HID1: variants seen among roughly 807,000 people sequenced by gnomAD.
The protein encoded by HID1 is HID1 domain containing.
HID1 carries 42 observed loss-of-function variants against 89.7 expected under a neutral mutation model. The observed-to-expected ratio is 0.47, with a 90% CI of 0.37 to 0.61. HID1 has a LOEUF of 0.61. Among genes scored for constraint, HID1 ranks in the 20% least tolerant of loss-of-function variants. HID1 has a pLI of 0.00. For missense variants in HID1, 854 were observed against 1,039.3 expected, an observed-to-expected ratio of 0.82 and a Z score of 2.45; for synonymous variants, 442 against 433.8, an observed-to-expected ratio of 1.02 and a Z score of -0.24.
chr17:74,972,552 C>A lies in HID1; in HGVS notation c.66+39G>T. On this transcript the variant is annotated intron_variant, in intron 1 of 18. Coordinates refer to ENST00000425042, the MANE Select transcript of HID1 (RefSeq NM_030630.3). This position sits in a 1 kb window ranked among gnomAD's most constrained non-coding sequence, Gnocchi z 6.4. ...CCCCGGCCCTGCCCAGCCCCCAGCC[C>A]GGCAGGTGGATGGGGACGCCGGGGC... 1 of 1,524,194 alleles carries A rather than the reference C, an allele frequency of 6.6e-7. No individual in the cohort carries two copies. The highest frequency in any genetic ancestry group is 8.9e-7 in the Non-Finnish European group (1 of 1,127,058). The allele number at this position is 1,524,194 out of a possible 1,614,324, so 94.4% of individuals were successfully genotyped here.
In HID1 at chr17:74,958,215, A is replaced by G; in HGVS notation, c.1397T>C (p.Phe466Ser). The G allele has an allele frequency of 6.2e-7, 1 of 1,610,706 alleles. No individual in the cohort carries two copies. Among genetic ancestry groups the G allele is most frequent in the Non-Finnish European group, 8.5e-7 (1 of 1,178,716 alleles). ...GTHADLLIVV[F>S]HKIITSGHQR... ...GTGCCCGCTGGTGATGATCTTGTGG[A>G]ACACCTGTGCCAGGAGGGACAGAGG... Residue 466 changes from phenylalanine (F) to serine (S), a missense_variant, in exon 12 of 19, where the codon TTC becomes TCC. Phe to Ser is a radical substitution (Grantham distance 155). Transcript: ENST00000425042. The surrounding 1 kb of genome is among the most constrained non-coding windows in gnomAD (Gnocchi z 5.2).
Position 74,953,097 on chromosome 17 carries a change from G to C in HID1, c.1972-11C>G, listed in dbSNP as rs1019021718. On this transcript the variant is annotated splice_polypyrimidine_tract_variant and intron_variant, in intron 15 of 18. Coordinates refer to ENST00000425042, the MANE Select transcript of HID1 (RefSeq NM_030630.3). ...TGCCTGGCTGGGCTCCTGGCCCCCA[G>C]AAAGGAACAGGGGTGAGGGATGGTG... is the stretch of plus-strand genomic sequence containing the variant. The C allele has an allele frequency of 6.9e-6, 11 of 1,597,690 alleles. No individual in the cohort carries two copies. Among genetic ancestry groups the C allele is most frequent in the South Asian group, 3.4e-5 (3 of 88,566 alleles).
chr17:74,967,471 G>C lies in HID1; in HGVS notation c.67-2839C>G, dbSNP rs572491007. Among the ~76,000 whole-genome samples the C allele has an allele frequency of 1.8e-4, 28 of 151,596 alleles. 1 individual carries two copies. The highest frequency in any genetic ancestry group is 6.5e-4 in the African/African-American group (27 of 41,302). On this transcript the variant is annotated intron_variant, in intron 1 of 18. Coordinates refer to ENST00000425042, the MANE Select transcript of HID1 (RefSeq NM_030630.3). Reference sequence around the variant, plus strand: ...GGAGAATCACTTGAACCCAGGAGGCGGAGGTTGCAGTGAGCCAAGATCGCA... The same window carrying C: ...GGAGAATCACTTGAACCCAGGAGGCCGAGGTTGCAGTGAGCCAAGATCGCA...
intron 13 of HID1, among the ~76,000 whole-genome samples, chr17:74,955,366 T>TG (rs907410050): frequency 4.6e-5 from 7 of 151,352 alleles, no homozygotes; most frequent in Middle Eastern, 3.2e-3. Flanking sequence ...CTAGGTATGG[T>TG]GGGGGGCGCC....
Position 74,954,290 on chromosome 17 carries a change from G to T in HID1, c.1712C>A (p.Pro571Gln). Residue 571 changes from proline (P) to glutamine (Q), a missense_variant, in exon 14 of 19, where the codon CCG becomes CAG. Coordinates refer to ENST00000425042, the MANE Select transcript of HID1 (RefSeq NM_030630.3). ...FHQLANLPTD[P>Q]PTIHKALQRR... Reference sequence around the variant, plus strand: ...CTGCAGGGCCTTGTGAATGGTGGGCGGGTCCGTGGGCAGGTTGGCCAGCTG... The same window carrying T: ...CTGCAGGGCCTTGTGAATGGTGGGCTGGTCCGTGGGCAGGTTGGCCAGCTG... 1 of 1,587,652 alleles carries T rather than the reference G, an allele frequency of 6.3e-7. No individual in the cohort carries two copies. The highest frequency in any genetic ancestry group is 8.6e-7 in the Non-Finnish European group (1 of 1,167,842).
intron 14 of HID1, 128 bp downstream of exon 14, chr17:74,954,010 G>T (rs929631294): frequency 6.2e-5 from 58 of 937,314 alleles, no homozygotes; most frequent in South Asian, 3.6e-4. Context: ...CTGTTGCCCA[G>T]CCCCATCCCC....
chr17:74,962,591 G>A lies in HID1; in HGVS notation c.505-251C>T, dbSNP rs551082547. Among the ~76,000 whole-genome samples, 221 of 152,318 alleles carry A rather than the reference G, an allele frequency of 1.5e-3. No individual in the cohort carries two copies. The highest frequency in any genetic ancestry group is 0.014 in the Middle Eastern group (4 of 294). On this transcript the variant is annotated intron_variant, in intron 4 of 18. Coordinates refer to ENST00000425042, the MANE Select transcript of HID1 (RefSeq NM_030630.3). The surrounding 1 kb of genome is among the most constrained non-coding windows in gnomAD (Gnocchi z 4.3). The stretch of plus-strand genomic sequence containing the variant: ...ACTTGCTCAGTCCAGTTTGGGACAG[G>A]GAGAAAGGGAGGGAGGGGCAGGGGA...
chr17:74,952,198 C>T (rs931966136), intron 17 of HID1, 71 bp downstream of exon 17: 4 of 1,532,076 alleles, frequency 2.6e-6, no homozygotes, highest in African/African-American at 1.4e-5. Flanking sequence ...AGCCCACCTG[C>T]CCACACCACC....
intron 1 of HID1, chr17:74,970,809 T>C (rs1285126812): frequency 6.6e-6 from 1 of 152,346 alleles, no homozygotes; most frequent in Admixed American, 6.5e-5. Flanking sequence ...GATGATCATC[T>C]GGGTTCTGAT....
chr17:74,958,140 C>A lies in HID1; in HGVS notation c.1471+1G>T, dbSNP rs1418435929. 1.2e-6 allele frequency: 2 copies of A among 1,604,922 alleles called. No individual in the cohort carries two copies. Among genetic ancestry groups the A allele is most frequent in the Non-Finnish European group, 8.5e-7 (1 of 1,176,326 alleles). On this transcript the variant is annotated splice_donor_variant, in intron 12 of 18. Transcript: ENST00000425042. LOFTEE classifies it high-confidence loss of function. This position sits in a 1 kb window ranked among gnomAD's most constrained non-coding sequence, Gnocchi z 5.2. ...GGGGAGTGCAAGCTCCGGGCCCCTA[C>A]CGTTGACCACGATGGTGAGCAGGCA...
intron 14 of HID1, 114 bp downstream of exon 14, chr17:74,954,024 G>T: frequency 9.6e-7 from 1 of 1,045,238 alleles, no homozygotes; most frequent in South Asian, 1.4e-5. Context: ...CATCCCCTCG[G>T]CTTCCATACA....
Position 74,953,011 on chromosome 17 carries a change from C to G in HID1, c.2047G>C (p.Glu683Gln). The stretch of plus-strand genomic sequence containing the variant: ...GGCACAGGGTCCCTCCTCACCCACT[C>G]TGGCGTTGGGCTCCACTGCCCACTG... Reference protein sequence around the residue: ...SASGQWSPTPEWVLSWKSKLP... With the variant: ...SASGQWSPTPQWVLSWKSKLP... Residue 683 changes from glutamate (E) to glutamine (Q), a missense_variant, in exon 16 of 19, where the codon GAG becomes CAG. Coordinates refer to ENST00000425042, the MANE Select transcript of HID1 (RefSeq NM_030630.3). 3 of 1,605,812 alleles carry G rather than the reference C, an allele frequency of 1.9e-6. No homozygotes were observed. Among genetic ancestry groups the G allele is most frequent in the South Asian group, 2.2e-5 (2 of 89,554 alleles).
rs770912986 is a variant in HID1, at chr17:74,959,986, G to A, written c.951+40C>T. On this transcript the variant is annotated intron_variant, in intron 7 of 18. Coordinates refer to ENST00000425042, the MANE Select transcript of HID1 (RefSeq NM_030630.3). This position sits in a 1 kb window ranked among gnomAD's most constrained non-coding sequence, Gnocchi z 4.6. ...TGAGCAGGCGTCCTCCCCACAACCCGTGGCCCCGGCAGCTGTCCCTTCCAT... is the reference window on the plus strand; with the variant it reads ...TGAGCAGGCGTCCTCCCCACAACCCATGGCCCCGGCAGCTGTCCCTTCCAT... 1.4e-5 allele frequency: 22 copies of A among 1,613,230 alleles called. No individual in the cohort carries two copies. Among genetic ancestry groups the A allele is most frequent in the South Asian group, 3.3e-5 (3 of 91,078 alleles).
Position 74,963,815 on chromosome 17 carries a change from C to G in HID1, c.312G>C (p.Val104=), listed in dbSNP as rs575961109. ...CGGGGTCCTCAAAGATGTAGGGCAG[C>G]ACGCGGGTGAGCAGCCGGCTGCAGT... ...VLNCSRLLTR[V]LPYIFEDPDW... The change falls in exon 3 of 19, where the codon GTG becomes GTC. Residue 104 remains valine, a synonymous_variant. Transcript: ENST00000425042. The G allele has an allele frequency of 1.4e-4, 222 of 1,614,168 alleles. 3 individuals carry two copies. The South Asian group carries it at 2.3e-3, about 17-fold the overall frequency.
chr17:74,960,643 G>A (rs73363095), intron 6 of HID1, among the ~76,000 whole-genome samples: 3,076 of 152,324 alleles, frequency 0.02, 91 homozygotes, highest in African/African-American at 0.07. Flanking sequence ...GAGGTTAAGT[G>A]AGGGACAAAG....
chr17:74,971,235 TCCTC>T (rs1310217250), intron 1 of HID1, among the ~76,000 whole-genome samples: 1 of 151,950 alleles, frequency 6.6e-6, no homozygotes, highest in East Asian at 1.9e-4. Flanking sequence ...GAGCCTCCCT[TCCTC>T]CCTGCCTCCC....
Position 74,962,061 on chromosome 17 carries a change from C to T in HID1, c.612-72G>A, listed in dbSNP as rs565228094. ...TGGAGGTTCTGCCCACCCAGCCCAG[C>T]GCCCCAGCCCAGGTCCATGGAAGGA... On this transcript the variant is annotated intron_variant, in intron 5 of 18. Transcript: ENST00000425042. The surrounding 1 kb of genome is among the most constrained non-coding windows in gnomAD (Gnocchi z 4.3). The T allele has an allele frequency of 4.0e-6, 5 of 1,252,516 alleles. No individual in the cohort carries two copies. The highest frequency in any genetic ancestry group is 3.1e-5 in the South Asian group (2 of 64,814). 77.6% of individuals were successfully genotyped at this position (1,252,516 alleles called of 1,614,324 possible). A position where few individuals can be genotyped will look rare whatever the true frequency, so the allele number is the denominator to read the frequency against.
At position 74,960,184 on chromosome 17, in the gene HID1, C is replaced by T. The variant is rs954121473; in HGVS notation, c.793G>A (p.Gly265Arg). Reference protein sequence around the residue: ...TVCAYDPVGYGIPYNHLLFSD... With the variant: ...TVCAYDPVGYRIPYNHLLFSD... Reference sequence around the variant, plus strand: ...AAGAGCAGGTGGTTGTAGGGGATCCCGTAGCCCACAGGGTCATAGGCACAC... The same window carrying T: ...AAGAGCAGGTGGTTGTAGGGGATCCTGTAGCCCACAGGGTCATAGGCACAC... The change falls in exon 7 of 19, where the codon GGG becomes AGG. Residue 265 changes from glycine (G) to arginine (R), a missense_variant. Transcript: ENST00000425042. 8 of 1,613,786 alleles carry T rather than the reference C, an allele frequency of 5.0e-6. No individual in the cohort carries two copies. Among genetic ancestry groups the T allele is most frequent in the Admixed American group, 1.7e-5 (1 of 60,018 alleles).
intron 12 of HID1, among the ~76,000 whole-genome samples, chr17:74,957,610 TAA>T (rs199526829): frequency 6.8e-4 from 93 of 137,662 alleles, no homozygotes; most frequent in African/African-American, 1.5e-3. Context: ...TTTTTTTTTT[TAA>T]AAAAAGGCCA....
Sources: gnomAD v4.1 joint callset for allele counts (sites outside exome capture counted in the v4.1 genomes callset) on GRCh38, gnomAD v4.1.1 for gene constraint, Gnocchi (gnomAD v3.1) non-coding constraint, MANE v1.5 for transcripts, NCBI Gene and HGNC (gene_info 2026-07-23, HGNC 2026-07-21) for gene names.